TCF3: variants seen among roughly 807,000 people sequenced by gnomAD.
TCF3 encodes transcription factor 3.
In TCF3, 54 loss-of-function variants were observed where a neutral mutation model predicts 72.3. The ratio of observed to expected loss-of-function variants is 0.75; its 90% CI spans 0.60 to 0.94. The LOEUF (loss-of-function observed/expected upper bound fraction) is 0.94, where lower values mean the gene tolerates loss of function less well. Among genes scored for constraint, TCF3 ranks in the 40% least tolerant of loss-of-function variants. The pLI, the probability that TCF3 is intolerant of heterozygous loss-of-function variation, is 0.00. For synonymous variants in TCF3, 525 were observed against 412.6 expected (o/e 1.27, Z -3.30); for missense variants, 1,078 against 934.4 (o/e 1.15, Z -2.00).
chr19:1,638,186 A>T (rs917393142), intron 3 of TCF3, among the ~76,000 whole-genome samples: 1 of 152,208 alleles, frequency 6.6e-6, no homozygotes, highest in African/African-American at 2.4e-5. Context: ...GTTCTCTCTC[A>T]TTTCACTGAA....
Position 1,611,857 on chromosome 19 carries a change from G to A in TCF3, c.1823-8C>T, listed in dbSNP as rs62130064. On this transcript the variant is annotated splice_polypyrimidine_tract_variant and splice_region_variant and intron_variant, in intron 18 of 18. Transcript: ENST00000262965. ...TGGGATTCAGGTTCCGCTCTGGAGG[G>A]AGGGGGGAGAGCTCTGTGGGAGACG... The A allele has an allele frequency of 0.19, 304,154 of 1,607,316 alleles. 30,923 individuals are homozygous for A. The highest frequency in any genetic ancestry group is 0.21 in the Non-Finnish European group (243,842 of 1,177,652).
Position 1,609,549 on chromosome 19 carries a change from C to G in TCF3, c.*2158G>C, listed in dbSNP as rs575746424. 4.6e-6 allele frequency: 1 copy of G among 215,950 alleles called. No homozygotes were observed. Among genetic ancestry groups the G allele is most frequent in the African/African-American group, 2.3e-5 (1 of 44,250 alleles). The allele number at this position is 215,950 out of a possible 1,614,324, so 13.4% of individuals were successfully genotyped here. A position where few individuals can be genotyped will look rare whatever the true frequency, so the allele number is the denominator to read the frequency against. ...GCGCTGGGTGAATCTCGTTTGAATT[C>G]TATGCAGAACGCACAGTTCCAGAGG... On this transcript the variant is annotated 3_prime_UTR_variant, in exon 19 of 19. Coordinates refer to ENST00000262965, the MANE Select transcript of TCF3 (RefSeq NM_003200.5).
At chr19:1,617,592 T>C (rs2145929404) in intron 16 of TCF3, among the ~76,000 whole-genome samples, 1 of 152,338 alleles carries the variant, frequency 6.6e-6, no homozygotes, top group East Asian at 1.9e-4. Flanking sequence ...CCCCGTACCC[T>C]GAGGGGGAGC....
At chr19:1,646,331 G>A (rs2145622398) in intron 3 of TCF3, 24 bp downstream of exon 3, 13 of 1,548,986 alleles carry the variant, frequency 8.4e-6, no homozygotes, top group African/African-American at 1.4e-5. Flanking sequence ...CTCCACGAGC[G>A]CTGGCAGGAA....
intron 18 of TCF3, among the ~76,000 whole-genome samples, chr19:1,613,137 G>C (rs562037301): frequency 6.6e-6 from 1 of 151,728 alleles, no homozygotes; most frequent in East Asian, 2.1e-4. Flanking sequence ...GTGGGCAGCA[G>C]TACGGGTCCA....
chr19:1,631,698 G>A (rs757162658), intron 5 of TCF3, among the ~76,000 whole-genome samples: 5 of 152,186 alleles, frequency 3.3e-5, no homozygotes, highest in Non-Finnish European at 4.4e-5. Flanking sequence ...GAACTCCTAC[G>A]CCTCCTTCCC....
In TCF3 at chr19:1,611,544, G is replaced by T; in HGVS notation, c.*163C>A. ...GAGCTCCTGGACCCAGTGTCACCTT[G>T]GCCGCCCCCATCACTCCGAACCTTG... On this transcript the variant is annotated 3_prime_UTR_variant, in exon 19 of 19. Coordinates refer to ENST00000262965, the MANE Select transcript of TCF3 (RefSeq NM_003200.5). The T allele has an allele frequency of 2.0e-6, 2 of 999,478 alleles. No individual in the cohort carries two copies. Among genetic ancestry groups the T allele is most frequent in the Non-Finnish European group, 2.8e-6 (2 of 710,404 alleles). 61.9% of individuals were successfully genotyped at this position (999,478 alleles called of 1,614,324 possible). A position where few individuals can be genotyped will look rare whatever the true frequency, so the allele number is the denominator to read the frequency against.
rs759231670 is a variant in TCF3, at chr19:1,616,182, C to T, written c.1451-361G>A. Among the ~76,000 whole-genome samples, 7 of 152,224 alleles carry T rather than the reference C, an allele frequency of 4.6e-5. No homozygotes were observed. The South Asian group carries it at 8.3e-4, about 18-fold the overall frequency. On this transcript the variant is annotated intron_variant, in intron 16 of 18. Coordinates refer to ENST00000262965, the MANE Select transcript of TCF3 (RefSeq NM_003200.5). Reference sequence around the variant, plus strand: ...ATTAACTTAAAAATATGGAACACTTCGGATGGGCACAGTGGCTCACACCAG... The same window carrying T: ...ATTAACTTAAAAATATGGAACACTTTGGATGGGCACAGTGGCTCACACCAG...
intron 2 of TCF3, among the ~76,000 whole-genome samples, chr19:1,646,841 T>C (rs2066184134): frequency 6.6e-6 from 1 of 152,204 alleles, no homozygotes; most frequent in South Asian, 2.1e-4. Flanking sequence ...AGGTTTACAC[T>C]CAACAGGTGG....
At chr19:1,648,243 G>A (rs1446270923) in intron 2 of TCF3, among the ~76,000 whole-genome samples, 2 of 152,242 alleles carry the variant, frequency 1.3e-5, no homozygotes, top group Admixed American at 6.5e-5. Context: ...CTCGGCAGGG[G>A]CAGAAGGCAG....
At position 1,611,655 on chromosome 19, in the gene TCF3, G is replaced by A; in HGVS notation, c.*52C>T. The A allele has an allele frequency of 6.3e-7, 1 of 1,577,940 alleles. No individual in the cohort carries two copies. The highest frequency in any genetic ancestry group is 2.3e-5 in the East Asian group (1 of 44,314). ...CCGGGGTCTCGAGTGGCCGTTCTGG[G>A]GCCAGAGCACAGGGCTGAAAGCGGG... On this transcript the variant is annotated 3_prime_UTR_variant, in exon 19 of 19. Transcript: ENST00000262965.
chr19:1,622,309 G>A lies in TCF3; in HGVS notation c.652+4C>T, dbSNP rs2146142385. On this transcript the variant is annotated splice_donor_region_variant and intron_variant, in intron 9 of 18. Coordinates refer to ENST00000262965, the MANE Select transcript of TCF3 (RefSeq NM_003200.5). ...CCCTGGCGAGCCCCCGCCCTGCCATGTACCTGCCACGTAGAAGGGGGCGGG... is the reference window on the plus strand; with the variant it reads ...CCCTGGCGAGCCCCCGCCCTGCCATATACCTGCCACGTAGAAGGGGGCGGG... The A allele has an allele frequency of 2.6e-6, 4 of 1,526,444 alleles. No homozygotes were observed. Among genetic ancestry groups the A allele is most frequent in the African/African-American group, 2.7e-5 (2 of 73,272 alleles). 94.6% of individuals were successfully genotyped at this position (1,526,444 alleles called of 1,614,324 possible). A position where few individuals can be genotyped will look rare whatever the true frequency, so the allele number is the denominator to read the frequency against.
chr19:1,612,255 G>A lies in TCF3; in HGVS notation c.1823-406C>T, dbSNP rs367544972. ...AGGATGACCTGCACGGCCTGCTGCA[G>A]GATGAGCAGCTTGGTCTGCGCTTTG... On this transcript the variant is annotated intron_variant, in intron 18 of 18. Coordinates refer to ENST00000262965, the MANE Select transcript of TCF3 (RefSeq NM_003200.5). 213 of 1,610,264 alleles carry A rather than the reference G, an allele frequency of 1.3e-4. No individual in the cohort carries two copies. The highest frequency in any genetic ancestry group is 1.6e-4 in the Non-Finnish European group (186 of 1,177,494).
intron 3 of TCF3, 92 bp from the exon 4 acceptor site, chr19:1,632,497 G>A (rs1475860311): frequency 7.4e-7 from 1 of 1,357,650 alleles, no homozygotes; most frequent in Non-Finnish European, 1.0e-6. Context: ...AACCTCAGTG[G>A]ACCCGGGGGG....
intron 3 of TCF3, among the ~76,000 whole-genome samples, chr19:1,641,567 C>T (rs1305697786): frequency 6.6e-6 from 1 of 152,130 alleles, no homozygotes; most frequent in Admixed American, 6.6e-5. Context: ...CTTTTCGTGT[C>T]TCAGCCTCCC....
chr19:1,633,295 T>G (rs1361327993), intron 3 of TCF3, among the ~76,000 whole-genome samples: 2 of 152,070 alleles, frequency 1.3e-5, no homozygotes, highest in African/African-American at 4.8e-5. Context: ...TTGGTTTCCC[T>G]CTCTATAAAT....
At chr19:1,643,953 T>C (rs900187412) in intron 3 of TCF3, among the ~76,000 whole-genome samples, 3 of 152,186 alleles carry the variant, frequency 2.0e-5, no homozygotes, top group African/African-American at 7.2e-5. Flanking sequence ...TGGGGACTCC[T>C]GGCGAAGGGT....
At chr19:1,613,427 T>C (rs1419503184) in intron 18 of TCF3, among the ~76,000 whole-genome samples, 1 of 152,116 alleles carries the variant, frequency 6.6e-6, no homozygotes, top group Non-Finnish European at 1.5e-5. Flanking sequence ...GCTTCTCCCT[T>C]GACCCTGCTC....
intron 3 of TCF3, among the ~76,000 whole-genome samples, chr19:1,642,630 C>T (rs750936345): frequency 2.0e-5 from 3 of 152,180 alleles, no homozygotes; most frequent in Admixed American, 6.5e-5. Context: ...TGAAAGGACA[C>T]GATCTTTGTC....
Sources: allele counts gnomAD v4.1 joint callset (sites outside exome capture counted in the v4.1 genomes callset), GRCh38; gene constraint gnomAD v4.1.1; transcripts MANE v1.5; gene names NCBI Gene and HGNC (gene_info 2026-07-23, HGNC 2026-07-21).